The following ITSN2 variants were observed in gnomAD, a reference collection of about 807,000 sequenced individuals.
The protein encoded by ITSN2 is intersectin-2.
A neutral mutation model predicts 243.7 loss-of-function variants in ITSN2; 156 were observed. The ratio of observed to expected loss-of-function variants is 0.64; its 90% CI spans 0.56 to 0.73. ITSN2 has a LOEUF of 0.73. ITSN2 is among the 30% of genes least tolerant of loss of function. The pLI is 0.00. For missense variants in ITSN2, 1,801 were observed against 1,996.1 expected (o/e 0.90, Z 1.86); for synonymous variants, 703 against 699.9 (o/e 1.00, Z -0.07).
In ITSN2 at chr2:24,204,001, T is replaced by A; in HGVS notation, c.4937-218A>T. 1.6e-6 allele frequency: 1 copy of A among 634,394 alleles called. No homozygotes were observed. Among genetic ancestry groups the A allele is most frequent in the Non-Finnish European group, 2.7e-6 (1 of 369,188 alleles). The allele number at this position is 634,394 out of a possible 1,614,324, so 39.3% of individuals were successfully genotyped here. A position where few individuals can be genotyped will look rare whatever the true frequency, so the allele number is the denominator to read the frequency against. On this transcript the variant is annotated intron_variant, in intron 39 of 39. Coordinates refer to ENST00000355123, the MANE Select transcript of ITSN2 (RefSeq NM_006277.3). This position sits in a 1 kb window ranked among gnomAD's most constrained non-coding sequence, Gnocchi z 5.1. ...GGAATTCAAATCTCCATTCTGAGAA[T>A]GCTCCAGGAGTGGTGTTCACGTCGT...
intron 1 of ITSN2, among the ~76,000 whole-genome samples, chr2:24,345,666 C>A (rs1042642254): frequency 2.5e-4 from 38 of 151,654 alleles, no homozygotes; most frequent in African/African-American, 8.9e-4. Flanking sequence ...CTGAAAATAC[C>A]CAGTGCTGTT....
At chr2:24,343,648 G>A (rs1376037338) in intron 1 of ITSN2, among the ~76,000 whole-genome samples, 2 of 152,122 alleles carry the variant, frequency 1.3e-5, no homozygotes, top group Non-Finnish European at 2.9e-5. Flanking sequence ...AATTTTAATA[G>A]ATAATACCAA....
chr2:24,291,299 T>C (rs1262077839), intron 15 of ITSN2, among the ~76,000 whole-genome samples: 1 of 151,946 alleles, frequency 6.6e-6, no homozygotes, highest in East Asian at 1.9e-4. Context: ...CTACTGATTT[T>C]TGTATTTTTA....
chr2:24,241,310 C>G (rs1329883504), intron 29 of ITSN2: 3 of 152,030 alleles, frequency 2.0e-5, no homozygotes, highest in African/African-American at 7.2e-5. Flanking sequence ...AAGGTTTTTC[C>G]CATCTCACAG....
chr2:24,261,280 A>AC, intron 21 of ITSN2, 30 bp from the exon 22 acceptor site: 2 of 1,539,462 alleles, frequency 1.3e-6, no homozygotes, highest in Non-Finnish European at 1.8e-6. Flanking sequence ...ATATAAGTAT[A>AC]TTTATTTGTT....
chr2:24,267,747 G>C (rs901744854), intron 20 of ITSN2, among the ~76,000 whole-genome samples: 4 of 152,148 alleles, frequency 2.6e-5, no homozygotes, highest in Non-Finnish European at 5.9e-5. Context: ...TGTAGAAACA[G>C]GGTCTTCCTA....
chr2:24,306,433 T>G (rs1251760646), intron 8 of ITSN2, among the ~76,000 whole-genome samples: 1 of 152,216 alleles, frequency 6.6e-6, no homozygotes, highest in Non-Finnish European at 1.5e-5. Context: ...TTCCTGTTCT[T>G]CAGCCTCATA....
intron 1 of ITSN2, among the ~76,000 whole-genome samples, chr2:24,351,142 T>C (rs1225332550): frequency 7.2e-5 from 11 of 152,286 alleles, no homozygotes; most frequent in Middle Eastern, 3.4e-3. Context: ...ATGCCTCCTC[T>C]CTTTGCACCT....
chr2:24,319,658 C>G (rs1164820237), intron 2 of ITSN2, among the ~76,000 whole-genome samples: 8 of 152,248 alleles, frequency 5.3e-5, no homozygotes, highest in African/African-American at 1.9e-4. Context: ...ATTACTCAAA[C>G]TCCACTGGAA....
intron 37 of ITSN2, among the ~76,000 whole-genome samples, chr2:24,206,058 C>T (rs936532109): frequency 2.6e-5 from 4 of 152,038 alleles, no homozygotes; most frequent in African/African-American, 4.8e-5. Flanking sequence ...AACGCACGGA[C>T]GATGCACAGC....
intron 15 of ITSN2, among the ~76,000 whole-genome samples, chr2:24,289,019 T>G (rs982149049): frequency 7.2e-5 from 11 of 152,360 alleles, no homozygotes; most frequent in African/African-American, 2.4e-4. Flanking sequence ...TTCTGATTAC[T>G]ATAGCTTCAT....
intron 3 of ITSN2, among the ~76,000 whole-genome samples, chr2:24,314,916 G>C (rs1040022913): frequency 3.9e-5 from 6 of 152,138 alleles, no homozygotes; most frequent in Non-Finnish European, 7.3e-5. Flanking sequence ...CTATCATTTA[G>C]GATTCAGGAA....
At chr2:24,283,542 A>G (rs937463794) in intron 17 of ITSN2, among the ~76,000 whole-genome samples, 2 of 152,192 alleles carry the variant, frequency 1.3e-5, no homozygotes, top group Non-Finnish European at 2.9e-5. Flanking sequence ...TTTTAGCACT[A>G]TGTTAACTAA....
At chr2:24,328,844 G>C (rs979101907) in intron 1 of ITSN2, among the ~76,000 whole-genome samples, 1 of 151,660 alleles carries the variant, frequency 6.6e-6, no homozygotes, top group Non-Finnish European at 1.5e-5. Context: ...GAGCTCAAGG[G>C]GTTTATAAAA....
chr2:24,353,377 G>A (rs548999399), intron 1 of ITSN2, among the ~76,000 whole-genome samples: 13 of 152,196 alleles, frequency 8.5e-5, no homozygotes, highest in African/African-American at 2.2e-4. Context: ...GGGGCGAATC[G>A]TCTGAACTCA....
At chr2:24,329,927 C>G (rs1358166461) in intron 1 of ITSN2, among the ~76,000 whole-genome samples, 2 of 152,144 alleles carry the variant, frequency 1.3e-5, no homozygotes, top group Admixed American at 6.6e-5. Context: ...ACAAATATAA[C>G]ATTTTTACTT....
At chr2:24,337,315 A>AAT (rs201712131) in intron 1 of ITSN2, among the ~76,000 whole-genome samples, 63 of 32,014 alleles carry the variant, frequency 2.0e-3, no homozygotes, top group South Asian at 8.2e-3. Flanking sequence ...GTATACACAA[A>AAT]ATATATATAT....
chr2:24,281,153 C>CAAA, intron 17 of ITSN2, among the ~76,000 whole-genome samples: 1 of 152,274 alleles, frequency 6.6e-6, no homozygotes, highest in East Asian at 1.9e-4. Context: ...CTCAGCCTCC[C>CAAA]GAGTAGCTGG....
intron 4 of ITSN2, 150 bp from the exon 5 acceptor site, chr2:24,312,525 A>G (rs1292944910): frequency 2.1e-6 from 1 of 473,446 alleles, no homozygotes; most frequent in African/African-American, 2.0e-5. Context: ...TAAAATATAT[A>G]ATAACAAAAA....
Sources: allele counts gnomAD v4.1 joint callset (sites outside exome capture counted in the v4.1 genomes callset), GRCh38; gene constraint gnomAD v4.1.1; non-coding constraint Gnocchi (gnomAD v3.1); transcripts MANE v1.5; gene names NCBI Gene and HGNC (gene_info 2026-07-23, HGNC 2026-07-21).